Variants in MYH11 observed in about 807,000 individuals in gnomAD.
MYH11 encodes myosin-11.
Under a neutral mutation model 246.6 loss-of-function variants are expected in MYH11, and 80 were observed. That is an observed-to-expected ratio of 0.32 (90% CI 0.27 to 0.39). The LOEUF (loss-of-function observed/expected upper bound fraction) is 0.39. MYH11 is among the 10% of genes least tolerant of loss of function. The pLI is 1.00. For synonymous variants in MYH11, 1,071 were observed against 1,015.5 expected (o/e 1.05, Z -1.04); for missense variants, 2,158 against 2,546.8 (o/e 0.85, Z 3.29).
intron 1 of MYH11, among the ~76,000 whole-genome samples, chr16:15,843,352 C>G (rs144222246): frequency 0.024 from 3,579 of 150,330 alleles, 59 homozygotes; most frequent in Non-Finnish European, 0.04. Context: ...GCCTGGACAA[C>G]AGAGCAAGAC....
At chr16:15,759,803 G>T in intron 11 of MYH11, 75 bp from the exon 12 acceptor site, 1 of 1,579,514 alleles carries the variant, frequency 6.3e-7, no homozygotes, top group South Asian at 1.1e-5. Flanking sequence ...TGGTGGTGAA[G>T]ATTTTTATTC....
At chr16:15,816,575 G>C (rs1487884952) in intron 3 of MYH11, among the ~76,000 whole-genome samples, 10 of 152,104 alleles carry the variant, frequency 6.6e-5, no homozygotes, top group Non-Finnish European at 1.5e-4. Flanking sequence ...TGGAAACTCT[G>C]AACACTGAGT....
chr16:15,711,570 A>C (rs1246136506), intron 40 of MYH11, among the ~76,000 whole-genome samples: 15 of 152,188 alleles, frequency 9.9e-5, no homozygotes, highest in Non-Finnish European at 2.2e-4. Context: ...TTAAAAGATC[A>C]AGTCATTGGT....
At chr16:15,717,401 G>C in intron 37 of MYH11, 53 bp from the exon 38 acceptor site, 4 of 1,578,014 alleles carry the variant, frequency 2.5e-6, no homozygotes, top group Non-Finnish European at 3.4e-6. Flanking sequence ...CCAAGAGAGC[G>C]CACTGAGACC....
At chr16:15,756,820 C>T (rs1357857546) in intron 13 of MYH11, among the ~76,000 whole-genome samples, 2 of 104,884 alleles carry the variant, frequency 1.9e-5, no homozygotes, top group Non-Finnish European at 3.6e-5. Flanking sequence ...TTTTTTGAGA[C>T]AGAGTTTTGC....
chr16:15,747,940 G>A lies in MYH11; in HGVS notation c.2184C>T (p.Tyr728=), dbSNP rs773539549. The stretch of plus-strand genomic sequence containing the variant: ...GGATGGCATTCGCCGCCAGGATCTC[G>A]TAGCTTGAAACACAGAGCAGAAGTC... The part of the protein sequence containing the change: ...RIVFQEFRQR[Y]EILAANAIPK... The change falls in exon 18 of 41, where the codon TAC becomes TAT. Residue 728 remains tyrosine, a synonymous_variant. Transcript: ENST00000300036. 8 of 1,614,112 alleles carry A rather than the reference G, an allele frequency of 5.0e-6. No individual in the cohort carries two copies. The highest frequency in any genetic ancestry group is 1.1e-5 in the South Asian group (1 of 91,082).
intron 6 of MYH11, among the ~76,000 whole-genome samples, chr16:15,780,280 G>T (rs1024199119): frequency 6.6e-6 from 1 of 151,966 alleles, no homozygotes; most frequent in Non-Finnish European, 1.5e-5. Context: ...TTGGGGGGGG[G>T]CCGCTGTTGT....
At chr16:15,706,672 A>T (rs2039473595) in intron 40 of MYH11, among the ~76,000 whole-genome samples, 2 of 151,680 alleles carry the variant, frequency 1.3e-5, no homozygotes, top group South Asian at 2.1e-4. Flanking sequence ...GTGCCACTGC[A>T]CTCCAGCCTG....
rs931080660 is a variant in MYH11 at position 15,719,719 on chromosome 16, T to G, written c.4954-6A>C. On this transcript the variant is annotated splice_polypyrimidine_tract_variant and splice_region_variant and intron_variant, in intron 34 of 40. Transcript: ENST00000300036. ...TGAAAGTCCTTCATCTGAGCCTGCA[T>G]GAGTCAACAGGGAGGACAAGCTCAG... 6.2e-7 allele frequency: 1 copy of G among 1,614,014 alleles called. No individual in the cohort carries two copies. The highest frequency in any genetic ancestry group is 1.3e-5 in the African/African-American group (1 of 74,932).
intron 3 of MYH11, among the ~76,000 whole-genome samples, chr16:15,812,817 G>T (rs2043170969): frequency 6.6e-6 from 1 of 151,998 alleles, no homozygotes; most frequent in Non-Finnish European, 1.5e-5. Context: ...AGCCTGCAGT[G>T]AGCCGTGTTT....
intron 4 of MYH11, among the ~76,000 whole-genome samples, chr16:15,794,413 ATGT>A (rs1203734111): frequency 6.6e-6 from 1 of 152,210 alleles, no homozygotes; most frequent in East Asian, 1.9e-4. Context: ...GAGACTGAAG[ATGT>A]TGGTGGTTCT....
chr16:15,752,012 G>C (rs149153096), intron 15 of MYH11, among the ~76,000 whole-genome samples: 1 of 151,698 alleles, frequency 6.6e-6, no homozygotes, highest in Non-Finnish European at 1.5e-5. Flanking sequence ...GACTGGTCTC[G>C]AACTCTTGAC....
intron 2 of MYH11, among the ~76,000 whole-genome samples, chr16:15,824,358 A>G (rs893542480): frequency 2.0e-5 from 3 of 151,928 alleles, no homozygotes; most frequent in Non-Finnish European, 4.4e-5. Flanking sequence ...GCTCACTACA[A>G]CCTTGAGTTT....
intron 9 of MYH11, among the ~76,000 whole-genome samples, chr16:15,770,188 G>A (rs772242583): frequency 6.6e-6 from 1 of 152,114 alleles, no homozygotes; most frequent in African/African-American, 2.4e-5. Context: ...TTCTGATGTG[G>A]GACCCTGGCC....
intron 31 of MYH11, among the ~76,000 whole-genome samples, chr16:15,723,633 T>C (rs7195365): frequency 0.13 from 19,420 of 152,078 alleles, 2,562 homozygotes; most frequent in African/African-American, 0.34. Flanking sequence ...GTGACAGAGC[T>C]AGATCCTGTC....
chr16:15,757,153 C>T (rs2151273850), intron 13 of MYH11, among the ~76,000 whole-genome samples: 1 of 151,602 alleles, frequency 6.6e-6, no homozygotes, highest in South Asian at 2.1e-4. Flanking sequence ...ACCTAGGGTT[C>T]CTGTTAGAAA....
At chr16:15,853,466 C>T (rs1193262708) in intron 1 of MYH11, among the ~76,000 whole-genome samples, 2 of 152,122 alleles carry the variant, frequency 1.3e-5, no homozygotes, top group Non-Finnish European at 2.9e-5. Flanking sequence ...TGGCCCTTTC[C>T]TAGCAACTTT....
Position 15,798,625 on chromosome 16 carries a change from A to G in MYH11, c.530+35T>C, listed in dbSNP as rs932824082. 7 of 1,420,366 alleles carry G rather than the reference A, an allele frequency of 4.9e-6. No individual in the cohort carries two copies. The African/African-American group carries it at 7.7e-5, about 16-fold the overall frequency. 88.0% of individuals were successfully genotyped at this position (1,420,366 alleles called of 1,614,324 possible). ...CTACAGATTAAAAAAAAAAAAAAACAAAAAAAAAACAGAAGAAAAAGCAGT... is the reference window on the plus strand; with the variant it reads ...CTACAGATTAAAAAAAAAAAAAAACGAAAAAAAAACAGAAGAAAAAGCAGT... On this transcript the variant is annotated intron_variant, in intron 4 of 40. Coordinates refer to ENST00000300036, the MANE Select transcript of MYH11 (RefSeq NM_002474.3).
intron 40 of MYH11, chr16:15,713,773 C>G (rs947177213): frequency 3.3e-5 from 5 of 152,326 alleles, no homozygotes; most frequent in African/African-American, 7.2e-5. Flanking sequence ...GTGTGAGTCC[C>G]GTGCCCAGCC....
Sources: allele counts gnomAD v4.1 joint callset (sites outside exome capture counted in the v4.1 genomes callset), GRCh38; gene constraint gnomAD v4.1.1; transcripts MANE v1.5; gene names NCBI Gene and HGNC (gene_info 2026-07-23, HGNC 2026-07-21).